Variants in RLN2 observed in about 807,000 individuals in gnomAD.
The protein encoded by RLN2 is prorelaxin H2.
Under a neutral mutation model 7.3 loss-of-function variants are expected in RLN2, and 10 were observed. The observed-to-expected ratio is 1.36, with a 90% CI of 0.84 to 2.31. RLN2 has a LOEUF of 2.31. Among genes scored for constraint, RLN2 ranks in the 30% most tolerant of loss-of-function variants. The pLI is 0.00. For synonymous variants in RLN2, 103 were observed against 82.3 expected, an observed-to-expected ratio of 1.25 and a Z score of -1.36; for missense variants, 298 against 217.6, an observed-to-expected ratio of 1.37 and a Z score of -2.32.
rs752771609 is a variant in RLN2 at position 5,304,560 on chromosome 9, G to C, written c.21C>G (p.Phe7Leu). 1 of 1,613,154 alleles carries C rather than the reference G, an allele frequency of 6.2e-7. No individual in the cohort carries two copies. The highest frequency in any genetic ancestry group is 8.5e-7 in the Non-Finnish European group (1 of 1,179,598). The change falls in exon 1 of 2, where the codon TTC becomes TTG. Residue 7 changes from phenylalanine (F) to leucine (L), a missense_variant. By Grantham distance (22) the Phe-to-Leu change is conservative (BLOSUM62 0). Transcript: ENST00000381627. MPRLFF[F>L]HLLGVCLLLN... Reference sequence around the variant, plus strand: ...GTAGTAAACAGACTCCTAGCAGGTGGAAAAAAAACAGGCGAGGCATCCTGG... The same window carrying C: ...GTAGTAAACAGACTCCTAGCAGGTGCAAAAAAAACAGGCGAGGCATCCTGG...
the RLN2 span, among the ~76,000 whole-genome samples, chr9:5,318,007 C>CGTGT: frequency 1.3e-3 from 197 of 148,056 alleles, 4 homozygotes; most frequent in African/African-American, 4.6e-3. Flanking sequence ...TGTGTGTGTG[C>CGTGT]GTGTGTGTGT....
the RLN2 span, among the ~76,000 whole-genome samples, chr9:5,322,507 G>A: frequency 3.3e-5 from 5 of 152,076 alleles, no homozygotes; most frequent in Admixed American, 6.6e-5. Context: ...GGAAAACAGA[G>A]AAGCAAGCTG....
the RLN2 span, among the ~76,000 whole-genome samples, chr9:5,314,127 G>A: frequency 6.6e-6 from 1 of 152,016 alleles, no homozygotes; most frequent in Non-Finnish European, 1.5e-5. Flanking sequence ...CCCCACAGAG[G>A]AGGAGAAAAT....
chr9:5,302,661 C>T (rs1171769891), intron 1 of RLN2, among the ~76,000 whole-genome samples: 5 of 152,128 alleles, frequency 3.3e-5, no homozygotes, highest in Admixed American at 1.3e-4. Context: ...AAAATGTAGC[C>T]ATATCTATAT....
the RLN2 span, among the ~76,000 whole-genome samples, chr9:5,318,871 A>AATGGCAATCTGCGC: frequency 6.6e-6 from 1 of 151,960 alleles, no homozygotes; most frequent in African/African-American, 2.4e-5. Flanking sequence ...TTGATTCCAA[A>AATGGCAATCTGCGC]GAGAATAGAT....
At chr9:5,328,200 T>C in the RLN2 span, among the ~76,000 whole-genome samples, 3 of 151,222 alleles carry the variant, frequency 2.0e-5, no homozygotes, top group East Asian at 3.9e-4. Context: ...GAATAAACAG[T>C]GTAGAGAAGA....
the RLN2 span, among the ~76,000 whole-genome samples, chr9:5,329,954 T>C: frequency 6.6e-6 from 1 of 151,960 alleles, no homozygotes; most frequent in Non-Finnish European, 1.5e-5. Flanking sequence ...CAACAGAATA[T>C]ACATTCTTCT....
chr9:5,320,574 T>G, the RLN2 span, among the ~76,000 whole-genome samples: 3 of 151,672 alleles, frequency 2.0e-5, no homozygotes, highest in Admixed American at 1.3e-4. Context: ...TTTCACCATG[T>G]GGGCCAGGCT....
the RLN2 span, among the ~76,000 whole-genome samples, chr9:5,333,255 TC>T: frequency 6.6e-6 from 1 of 151,984 alleles, no homozygotes; most frequent in Non-Finnish European, 1.5e-5. Flanking sequence ...CTCTGCCTGT[TC>T]ATAGGTTCCG....
chr9:5,315,196 G>A, the RLN2 span, among the ~76,000 whole-genome samples: 1 of 152,098 alleles, frequency 6.6e-6, no homozygotes, highest in South Asian at 2.1e-4. Context: ...ATAGATCTGA[G>A]AGAATACAGA....
At chr9:5,335,525 G>T in the RLN2 span, 1 of 1,612,932 alleles carries the variant, frequency 6.2e-7, no homozygotes, top group Non-Finnish European at 8.5e-7. Flanking sequence ...CAGCTCCGGT[G>T]GCAAATTAGC....
chr9:5,319,906 T>C, the RLN2 span, among the ~76,000 whole-genome samples: 2 of 151,934 alleles, frequency 1.3e-5, no homozygotes, highest in Non-Finnish European at 2.9e-5. Context: ...GAAGCACCTT[T>C]AAAGATGTTC....
intron 1 of RLN2, among the ~76,000 whole-genome samples, chr9:5,300,699 G>A (rs545054153): frequency 3.9e-5 from 6 of 152,222 alleles, no homozygotes; most frequent in Middle Eastern, 3.4e-3. Context: ...TCCCCTCAGT[G>A]CTTTTATCAT....
the RLN2 span, among the ~76,000 whole-genome samples, chr9:5,319,915 TCTTAAA>T: frequency 6.6e-6 from 1 of 151,802 alleles, no homozygotes; most frequent in Non-Finnish European, 1.5e-5. Context: ...TTAAAGATGT[TCTTAAA>T]CTTAATTTTT....
In RLN2 at chr9:5,304,566, A is replaced by C. The variant is rs757561439; in HGVS notation, c.15T>G (p.Phe5Leu). MPRLFFFHLLGVCLL... is the reference protein window; with the variant it reads MPRLLFFHLLGVCLL... The stretch of plus-strand genomic sequence containing the variant: ...AACAGACTCCTAGCAGGTGGAAAAA[A>C]AACAGGCGAGGCATCCTGGGCCTGG... The change falls in exon 1 of 2, where the codon TTT becomes TTG. Residue 5 changes from phenylalanine (F) to leucine (L), a missense_variant. Transcript: ENST00000381627. 2.5e-6 allele frequency: 4 copies of C among 1,613,438 alleles called. No individual in the cohort carries two copies. The African/African-American group carries it at 4.0e-5, about 16-fold the overall frequency.
chr9:5,315,082 A>G, the RLN2 span, among the ~76,000 whole-genome samples: 1 of 151,996 alleles, frequency 6.6e-6, no homozygotes, highest in African/African-American at 2.4e-5. Context: ...AGCAAGAAAC[A>G]TGACACCAAT....
In RLN2 at chr9:5,304,673, C is replaced by G. The variant is rs796921558; in HGVS notation, c.-93G>C. 6 of 1,335,934 alleles carry G rather than the reference C, an allele frequency of 4.5e-6. No individual in the cohort carries two copies. In the East Asian group the frequency reaches 6.9e-5, roughly 15 times the overall value. The allele number at this position is 1,335,934 out of a possible 1,614,324, so 82.8% of individuals were successfully genotyped here. ...CACACCTGGGCCTGTGTGCCTGTCCCGGGCTTTAGGCTGCTTTCCCTACCC... is the reference window on the plus strand; with the variant it reads ...CACACCTGGGCCTGTGTGCCTGTCCGGGGCTTTAGGCTGCTTTCCCTACCC... On this transcript the variant is annotated 5_prime_UTR_variant, in exon 1 of 2. Coordinates refer to ENST00000381627, the MANE Select transcript of RLN2 (RefSeq NM_134441.3).
At chr9:5,321,426 A>G in the RLN2 span, among the ~76,000 whole-genome samples, 9 of 152,020 alleles carry the variant, frequency 5.9e-5, no homozygotes, top group African/African-American at 1.9e-4. Context: ...CTTAATGTTC[A>G]TCATAGCACT....
chr9:5,326,499 G>C, the RLN2 span, among the ~76,000 whole-genome samples: 5 of 152,088 alleles, frequency 3.3e-5, no homozygotes, highest in Non-Finnish European at 7.3e-5. Context: ...ATCTCCATCA[G>C]AAGCCAGAGT....
Sources: allele counts gnomAD v4.1 joint callset (sites outside exome capture counted in the v4.1 genomes callset), GRCh38; gene constraint gnomAD v4.1.1; transcripts MANE v1.5; gene names NCBI Gene and HGNC (gene_info 2026-07-23, HGNC 2026-07-21).